HFM1: variants seen among roughly 807,000 people sequenced by gnomAD.
HFM1 encodes helicase for meiosis 1.
HFM1 carries 169 observed loss-of-function variants against 192.1 expected under a neutral mutation model. The ratio of observed to expected loss-of-function variants is 0.88; its 90% CI spans 0.78 to 1.00. The LOEUF (loss-of-function observed/expected upper bound fraction) is 1.00. HFM1 is among the 50% of genes least tolerant of loss of function. The pLI, the probability that HFM1 is intolerant of heterozygous loss-of-function variation, is 0.00. For missense variants in HFM1, 1,661 were observed against 1,668.0 expected (o/e 1.00, Z 0.07); for synonymous variants, 525 against 537.8 (o/e 0.98, Z 0.33).
rs752808375 is a variant in HFM1, at chr1:91,385,732, G to T, written c.597C>A (p.Asn199Lys). ...GSVKIVQTEMNKGKSRNYSNS... is the reference protein window; with the variant it reads ...GSVKIVQTEMKKGKSRNYSNS... ...TGCTATAGTTCCTTGATTTCCCTTT[G>T]TTCATTTCTGTTTGTACAATTTTCA... Residue 199 changes from asparagine (N) to lysine (K), a missense_variant, in exon 5 of 39, where the codon AAC (asparagine) becomes AAA (lysine). Asn to Lys is a moderately conservative substitution (Grantham distance 94). Transcript: ENST00000370425. 6.2e-7 allele frequency: 1 copy of T among 1,612,464 alleles called. No individual in the cohort carries two copies. Among genetic ancestry groups the T allele is most frequent in the Non-Finnish European group, 8.5e-7 (1 of 1,178,748 alleles).
chr1:91,347,558 G>A (rs751186810), intron 18 of HFM1, 82 bp from the exon 19 acceptor site: 1 of 788,524 alleles, frequency 1.3e-6, no homozygotes, highest in Non-Finnish European at 2.0e-6. Flanking sequence ...GTGAAGAGCA[G>A]TCTAATGAAA....
At chr1:91,344,648 C>T (rs942645384) in intron 19 of HFM1, among the ~76,000 whole-genome samples, 1 of 65,772 alleles carries the variant, frequency 1.5e-5, no homozygotes, top group African/African-American at 6.2e-5. Flanking sequence ...AGGCTAAGAA[C>T]CTATATAGAA....
chr1:91,265,149 T>G (rs1239831024), intron 36 of HFM1, among the ~76,000 whole-genome samples: 1 of 152,190 alleles, frequency 6.6e-6, no homozygotes, highest in African/African-American at 2.4e-5. Flanking sequence ...GGATGATTTT[T>G]TAAATCAAAT....
chr1:91,319,983 C>T (rs1651842732), intron 23 of HFM1, among the ~76,000 whole-genome samples: 1 of 152,084 alleles, frequency 6.6e-6, no homozygotes, highest in African/African-American at 2.4e-5. Flanking sequence ...GTTAGTTGTT[C>T]AAGGGGAAAA....
In HFM1 at chr1:91,343,136, C is replaced by G. The variant is rs1450741721; in HGVS notation, c.2335+294G>C. Among the ~76,000 whole-genome samples the G allele has an allele frequency of 2.1e-5, 3 of 140,428 alleles. No individual in the cohort carries two copies. In the East Asian group the frequency reaches 6.6e-4, roughly 31 times the overall value. 92.1% of individuals were successfully genotyped at this position (140,428 alleles called of 152,430 possible). ...GTCCCAGCTACTCGGGAGGCTGAGGCAGGAGAATGGCATGAACCCGGGAGG... is the reference window on the plus strand; with the variant it reads ...GTCCCAGCTACTCGGGAGGCTGAGGGAGGAGAATGGCATGAACCCGGGAGG... On this transcript the variant is annotated intron_variant, in intron 20 of 38. Coordinates refer to ENST00000370425, the MANE Select transcript of HFM1 (RefSeq NM_001017975.6).
At chr1:91,407,989 A>G (rs769542349), upstream of HFM1, among the ~76,000 whole-genome samples, 9 of 152,142 alleles carry the variant, frequency 5.9e-5, no homozygotes, top group Admixed American at 5.9e-4. Context: ...AAAACTAACC[A>G]GGTGTGGTGG....
chr1:91,268,315 C>T (rs538311387), intron 34 of HFM1, among the ~76,000 whole-genome samples: 1 of 151,940 alleles, frequency 6.6e-6, no homozygotes, highest in African/African-American at 2.4e-5. Flanking sequence ...AGTTAATTTT[C>T]AGTATTGTTA....
chr1:91,350,956 C>T lies in HFM1; in HGVS notation c.2073-85G>A, dbSNP rs1656856896. ...TAACTTTAATAATATAGAATATACCCATTGCTACTTTACTAATTCATGAAA... is the reference window on the plus strand; with the variant it reads ...TAACTTTAATAATATAGAATATACCTATTGCTACTTTACTAATTCATGAAA... On this transcript the variant is annotated intron_variant, in intron 17 of 38. Transcript: ENST00000370425. 3 of 1,007,110 alleles carry T rather than the reference C, an allele frequency of 3.0e-6. No individual in the cohort carries two copies. The Admixed American group carries it at 8.3e-5, about 28-fold the overall frequency. 62.4% of individuals were successfully genotyped at this position (1,007,110 alleles called of 1,614,324 possible).
rs187629987 is a variant in HFM1 at position 91,313,367 on chromosome 1, T to C, written c.3373A>G (p.Ile1125Val). 3.4e-5 allele frequency: 53 copies of C among 1,577,784 alleles called. No individual in the cohort carries two copies. Among genetic ancestry groups the C allele is most frequent in the Middle Eastern group, 3.4e-4 (2 of 5,948 alleles). ...TATTTACCTTTATTAGGTCCTGCTA[T>C]TGTAGATATGTCTGAATGTTTAGAA... Reference protein sequence around the residue: ...SHSKHSDISTIAGPNKGTTAS... With the variant: ...SHSKHSDISTVAGPNKGTTAS... Residue 1125 changes from isoleucine to valine, a missense_variant, in exon 30 of 39, where the codon ATA (isoleucine) becomes GTA (valine). By Grantham distance (29) the Ile-to-Val change is conservative (BLOSUM62 3). Transcript: ENST00000370425.
At chr1:91,381,768 T>C (rs147332045) in intron 6 of HFM1, among the ~76,000 whole-genome samples, 4 of 152,296 alleles carry the variant, frequency 2.6e-5, no homozygotes, top group African/African-American at 7.2e-5. Context: ...ATTGAGACTG[T>C]TATAATCTAT....
intron 20 of HFM1, among the ~76,000 whole-genome samples, chr1:91,332,127 A>C (rs1280119413): frequency 6.6e-6 from 1 of 152,216 alleles, no homozygotes; most frequent in Non-Finnish European, 1.5e-5. Flanking sequence ...ATGGAACTAC[A>C]AAAGATCCAG....
chr1:91,315,850 G>T lies in HFM1; in HGVS notation c.3105C>A (p.Asp1035Glu). The T allele has an allele frequency of 6.2e-7, 1 of 1,610,110 alleles. No homozygotes were observed. Among genetic ancestry groups the T allele is most frequent in the Non-Finnish European group, 8.5e-7 (1 of 1,177,728 alleles). The change falls in exon 28 of 39, where the codon GAC becomes GAA. Residue 1035 changes from aspartate (D) to glutamate (E), a missense_variant. Physicochemically the swap from Asp to Glu is conservative, Grantham distance 45 (BLOSUM62 2). Transcript: ENST00000370425. ...GCAGATAAACTACTTGATTATCTGCGTCACCTATGATTAAGGTAACATAGT... is the reference window on the plus strand; with the variant it reads ...GCAGATAAACTACTTGATTATCTGCTTCACCTATGATTAAGGTAACATAGT... Reference protein sequence around the residue: ...DSHYVTLIIGDADNQVVYLHK... With the variant: ...DSHYVTLIIGEADNQVVYLHK...
chr1:91,320,172 C>T (rs1274632866), intron 23 of HFM1, among the ~76,000 whole-genome samples: 1 of 152,142 alleles, frequency 6.6e-6, no homozygotes, highest in African/African-American at 2.4e-5. Flanking sequence ...TCCTAAACTC[C>T]TCAGTAGAAG....
chr1:91,261,266 C>T lies in HFM1; in HGVS notation c.*24G>A, dbSNP rs1307504705. 2 of 995,980 alleles carry T rather than the reference C, an allele frequency of 2.0e-6. No individual in the cohort carries two copies. The highest frequency in any genetic ancestry group is 1.4e-6 in the Non-Finnish European group (1 of 724,558). 61.7% of individuals were successfully genotyped at this position (995,980 alleles called of 1,614,324 possible). ...TAGGTGTCTTTATTCTTTCTCTTAT[C>T]AATATAAAAAGTATTTGTTTGTTTT... On this transcript the variant is annotated 3_prime_UTR_variant, in exon 39 of 39. Transcript: ENST00000370425.
upstream of HFM1, among the ~76,000 whole-genome samples, chr1:91,406,181 CG>C (rs984309262): frequency 3.9e-5 from 6 of 152,202 alleles, no homozygotes; most frequent in African/African-American, 1.4e-4. Context: ...AGGAGGCCCT[CG>C]CCAAATACCG....
At chr1:91,386,645 TAAGA>T (rs1420200825) in intron 4 of HFM1, among the ~76,000 whole-genome samples, 2 of 152,160 alleles carry the variant, frequency 1.3e-5, no homozygotes, top group Non-Finnish European at 2.9e-5. Flanking sequence ...GTAAAGTGCT[TAAGA>T]GAGAGAAAAA....
chr1:91,309,960 G>T (rs905696626), intron 30 of HFM1, among the ~76,000 whole-genome samples: 2 of 151,770 alleles, frequency 1.3e-5, no homozygotes, highest in Non-Finnish European at 2.9e-5. Flanking sequence ...TGGACAAAGG[G>T]TTTATTATGT....
At position 91,394,218 on chromosome 1, in the gene HFM1, A is replaced by G. The variant is rs1663355605; in HGVS notation, c.369T>C (p.Tyr123=). Residue 123 remains tyrosine, a synonymous_variant, in exon 4 of 39, where the codon TAT becomes TAC. Coordinates refer to ENST00000370425, the MANE Select transcript of HFM1 (RefSeq NM_001017975.6). ...TGTGATTTTTATATTTCTGAGAAGC[A>G]TATGTCAGCTTGCCAGCAATATGTG... is the stretch of plus-strand genomic sequence containing the variant. ...DLSHIAGKLT[Y]ASQKYKNHIG... 1.2e-6 allele frequency: 2 copies of G among 1,600,456 alleles called. No homozygotes were observed. The highest frequency in any genetic ancestry group is 1.1e-5 in the South Asian group (1 of 90,836).
At position 91,343,474 on chromosome 1, in the gene HFM1, A is replaced by G; in HGVS notation, c.2291T>C (p.Leu764Pro). 1 of 1,440,898 alleles carries G rather than the reference A, an allele frequency of 6.9e-7. No individual in the cohort carries two copies. Among genetic ancestry groups the G allele is most frequent in the Non-Finnish European group, 9.5e-7 (1 of 1,049,784 alleles). The allele number at this position is 1,440,898 out of a possible 1,614,324, so 89.3% of individuals were successfully genotyped here. A position where few individuals can be genotyped will look rare whatever the true frequency, so the allele number is the denominator to read the frequency against. ...CLKNLNDLSS[L>P]DLIKMDEGVN... ...ACCTTCATCCATCTTTATTAAGTCC[A>G]GGGATGATAAATCATTCAGATTCTT... The change falls in exon 20 of 39, where the codon CTG becomes CCG. Residue 764 changes from leucine to proline, a missense_variant. Physicochemically the swap from Leu to Pro is moderately conservative, Grantham distance 98 (BLOSUM62 -3). Coordinates refer to ENST00000370425, the MANE Select transcript of HFM1 (RefSeq NM_001017975.6).
Sources: allele counts gnomAD v4.1 joint callset (sites outside exome capture counted in the v4.1 genomes callset), GRCh38; gene constraint gnomAD v4.1.1; transcripts MANE v1.5; gene names NCBI Gene and HGNC (gene_info 2026-07-23, HGNC 2026-07-21).